DNAJC7: variants seen among roughly 807,000 people sequenced by gnomAD.
The protein encoded by DNAJC7 is dnaJ homolog subfamily C member 7.
DNAJC7 carries 18 observed loss-of-function variants against 67.4 expected under a neutral mutation model. The observed-to-expected ratio is 0.27, with a 90% CI of 0.18 to 0.40. DNAJC7 has a LOEUF of 0.40. Among genes scored for constraint, DNAJC7 ranks in the 10% least tolerant of loss-of-function variants. DNAJC7 has a pLI of 1.00. For synonymous variants in DNAJC7, 220 were observed against 207.8 expected (o/e 1.06, Z -0.50); for missense variants, 419 against 613.8 (o/e 0.68, Z 3.35).
At chr17:41,990,824 G>A (rs973544292) in intron 5 of DNAJC7, among the ~76,000 whole-genome samples, 2 of 151,640 alleles carry the variant, frequency 1.3e-5, no homozygotes, top group Admixed American at 6.6e-5. Context: ...CCGCCACCAC[G>A]CCCAAGCTAA....
rs782810453 is a variant in DNAJC7, at chr17:41,989,490, C to T, written c.667G>A (p.Glu223Lys). Residue 223 changes from glutamate (E) to lysine (K), a missense_variant, in exon 7 of 14, where the codon GAA (glutamate) becomes AAA (lysine). Around this residue, in one of 4 missense-constraint regions of DNAJC7, gnomAD observed 179 missense variants for 249.7 expected, o/e 0.72. Transcript: ENST00000457167. Reference sequence around the variant, plus strand: ...TGAACTGCCTTCTCAATACAATCTTCGTAATAAAGGCAAAGACCTCGTACA... The same window carrying T: ...TGAACTGCCTTCTCAATACAATCTTTGTAATAAAGGCAAAGACCTCGTACA... ...LYVRGLCLYY[E>K]DCIEKAVQFF... 3 of 1,613,902 alleles carry T rather than the reference C, an allele frequency of 1.9e-6. No individual in the cohort carries two copies. The highest frequency in any genetic ancestry group is 1.3e-5 in the African/African-American group (1 of 74,918).
At chr17:42,003,414 A>C (rs1555649719) in intron 1 of DNAJC7, 1 of 152,246 alleles carries the variant, frequency 6.6e-6, no homozygotes. Context: ...TGGCAGCAGC[A>C]AGAACTGAAC....
At chr17:41,980,022 G>A (rs2051206626) in intron 12 of DNAJC7, among the ~76,000 whole-genome samples, 1 of 151,026 alleles carries the variant, frequency 6.6e-6, no homozygotes, top group Non-Finnish European at 1.5e-5. Flanking sequence ...AGAGATGGTA[G>A]GTCTGTTCAC....
At chr17:41,986,645 T>C (rs2051389896) in intron 9 of DNAJC7, among the ~76,000 whole-genome samples, 1 of 152,102 alleles carries the variant, frequency 6.6e-6, no homozygotes, top group Non-Finnish European at 1.5e-5. Context: ...GTGCTTTTTT[T>C]GTCTTCCAAA....
chr17:41,991,421 T>C (rs2051508254), intron 5 of DNAJC7, among the ~76,000 whole-genome samples: 1 of 152,188 alleles, frequency 6.6e-6, no homozygotes, highest in Non-Finnish European at 1.5e-5. Context: ...AAGCTCTTCA[T>C]GTACTAATAT....
Position 41,990,362 on chromosome 17 carries a change from A to C in DNAJC7, c.501T>G (p.Arg167=), listed in dbSNP as rs2051483544. 7 of 1,609,866 alleles carry C rather than the reference A, an allele frequency of 4.3e-6. No individual in the cohort carries two copies. Among genetic ancestry groups the C allele is most frequent in the Non-Finnish European group, 5.9e-6 (7 of 1,178,054 alleles). The change falls in exon 6 of 14, where the codon CGT becomes CGG. Residue 167 remains arginine (R), a synonymous_variant. Coordinates refer to ENST00000457167, the MANE Select transcript of DNAJC7 (RefSeq NM_003315.4). ...DFRKVVFCMD[R]ALEFAPACHR... ...GGCAGGCAGGGGCAAATTCTAGGGCACGGTCCATGCAGAAAACAACCTGTA... is the reference window on the plus strand; with the variant it reads ...GGCAGGCAGGGGCAAATTCTAGGGCCCGGTCCATGCAGAAAACAACCTGTA...
chr17:41,995,845 T>C lies in DNAJC7; in HGVS notation c.405+466A>G, dbSNP rs181685040. 2.4e-3 allele frequency among the ~76,000 whole-genome samples: 363 copies of C among 152,376 alleles called. 1 individual carries two copies. The highest frequency in any genetic ancestry group is 3.7e-3 in the Non-Finnish European group (252 of 68,040). On this transcript the variant is annotated intron_variant, in intron 4 of 13. Transcript: ENST00000457167. ...TTTTTTGAGACAGGTTCTTGCTCTGTTGCCCGGGCTATAGTGCAGTGGTGC... is the reference window on the plus strand; with the variant it reads ...TTTTTTGAGACAGGTTCTTGCTCTGCTGCCCGGGCTATAGTGCAGTGGTGC...
At chr17:42,009,498 A>C (rs1378902497) in intron 1 of DNAJC7, among the ~76,000 whole-genome samples, 2 of 152,204 alleles carry the variant, frequency 1.3e-5, no homozygotes, top group Non-Finnish European at 2.9e-5. Flanking sequence ...CAGAAATCCC[A>C]TCACTGCAGG....
chr17:41,986,780 TA>T (rs1164932357), intron 9 of DNAJC7, among the ~76,000 whole-genome samples: 4 of 152,086 alleles, frequency 2.6e-5, no homozygotes, highest in Non-Finnish European at 5.9e-5. Flanking sequence ...AATTCACTTT[TA>T]AAAAAAGCAT....
Position 41,989,516 on chromosome 17 carries a change from T to TAAAGGCAAAGACC in DNAJC7, c.640_641insGGTCTTTGCCTTT (p.Tyr214TrpfsTer18). ...GTAATAAAGGCAAAGACCTCGTACA[T>TAAAGGCAAAGACC]ACAGAGCATCTGCATTGGTGGAATC... On this transcript the variant is annotated frameshift_variant, in exon 7 of 14. Coordinates refer to ENST00000457167, the MANE Select transcript of DNAJC7 (RefSeq NM_003315.4). LOFTEE classifies it high-confidence loss of function. 6.2e-7 allele frequency: 1 copy of TAAAGGCAAAGACC among 1,614,062 alleles called. No individual in the cohort carries two copies. Among genetic ancestry groups the TAAAGGCAAAGACC allele is most frequent in the East Asian group, 2.2e-5 (1 of 44,890 alleles).
intron 2 of DNAJC7, among the ~76,000 whole-genome samples, chr17:41,998,996 G>A (rs118121274): frequency 0.023 from 3,449 of 151,854 alleles, 53 homozygotes; most frequent in Non-Finnish European, 0.035. Flanking sequence ...GACCAGCCGG[G>A]GCAACATGGT....
intron 9 of DNAJC7, among the ~76,000 whole-genome samples, chr17:41,986,986 A>G (rs1373724866): frequency 6.6e-6 from 1 of 152,142 alleles, no homozygotes; most frequent in East Asian, 1.9e-4. Flanking sequence ...CTGGAGGATT[A>G]GTATACAATA....
intron 1 of DNAJC7, among the ~76,000 whole-genome samples, chr17:42,008,478 C>A (rs942053307): frequency 6.6e-6 from 1 of 151,538 alleles, no homozygotes; most frequent in Non-Finnish European, 1.5e-5. Context: ...GGCGCCATCT[C>A]GGCTCATTGC....
intron 1 of DNAJC7, among the ~76,000 whole-genome samples, chr17:42,012,330 A>G (rs540762342): frequency 3.9e-5 from 6 of 152,342 alleles, no homozygotes; most frequent in Non-Finnish European, 7.3e-5. Context: ...TAAAAATACA[A>G]AAATTAGCTG....
intron 1 of DNAJC7, among the ~76,000 whole-genome samples, chr17:42,008,983 T>TA (rs1555650739): frequency 6.6e-6 from 1 of 152,220 alleles, no homozygotes; most frequent in Non-Finnish European, 1.5e-5. Context: ...GTGTTGGGAT[T>TA]AAAGGCGTGA....
chr17:41,994,063 C>T (rs1467351591), intron 5 of DNAJC7, among the ~76,000 whole-genome samples: 2 of 121,056 alleles, frequency 1.7e-5, no homozygotes, highest in African/African-American at 3.2e-5. Context: ...AAAGGCCTGG[C>T]GCGGTGGCTC....
chr17:41,986,358 T>TC (rs576217821), intron 9 of DNAJC7, among the ~76,000 whole-genome samples: 292 of 151,698 alleles, frequency 1.9e-3, no homozygotes, highest in African/African-American at 6.8e-3. Flanking sequence ...ATAGCGAGAC[T>TC]CCATCCCGAG....
At chr17:42,016,519 C>G (rs1183310472) in intron 1 of DNAJC7, 3 of 152,332 alleles carry the variant, frequency 2.0e-5, no homozygotes, top group Non-Finnish European at 4.4e-5. Context: ...CAACTCTGTT[C>G]CAACCCCACT....
chr17:42,009,032 T>C (rs2143333669), intron 1 of DNAJC7, among the ~76,000 whole-genome samples: 1 of 152,192 alleles, frequency 6.6e-6, no homozygotes, highest in East Asian at 1.9e-4. Flanking sequence ...CTTGGAATAA[T>C]TCTATAAATA....
Sources: allele counts gnomAD v4.1 joint callset (sites outside exome capture counted in the v4.1 genomes callset), GRCh38; gene constraint gnomAD v4.1.1; regional missense constraint gnomAD v4.1.1; transcripts MANE v1.5; gene names NCBI Gene and HGNC (gene_info 2026-07-23, HGNC 2026-07-21).